The following ANKRD36C variants were observed in gnomAD, a reference collection of about 807,000 sequenced individuals.
The protein encoded by ANKRD36C is ankyrin repeat domain 36C.
Under a neutral mutation model 276.4 loss-of-function variants are expected in ANKRD36C, and 61 were observed. The observed-to-expected ratio is 0.22, with a 90% CI of 0.18 to 0.27. The LOEUF (loss-of-function observed/expected upper bound fraction) is 0.27, where lower values mean the gene tolerates loss of function less well. Ranked by LOEUF, ANKRD36C falls within the 10% of genes least tolerant of loss-of-function variation. ANKRD36C has a pLI of 1.00. For missense variants in ANKRD36C, 1,447 were observed against 2,032.3 expected (o/e 0.71, Z 5.54); for synonymous variants, 483 against 680.1 (o/e 0.71, Z 4.51).
rs540023349 is a variant in ANKRD36C at position 95,929,525 on chromosome 2, T to C, written c.1736-258A>G. Among the ~76,000 whole-genome samples the C allele has an allele frequency of 2.0e-5, 3 of 151,670 alleles. No individual in the cohort carries two copies. The South Asian group carries it at 6.2e-4, about 31-fold the overall frequency. On this transcript the variant is annotated intron_variant, in intron 24 of 66. Coordinates refer to ENST00000456556, the Ensembl canonical transcript of ANKRD36C. Reference sequence around the variant, plus strand: ...TTTCTCCATATGTCTAAAACTAAGATAAAACCATGTCAATATCAATGTGGA... The same window carrying C: ...TTTCTCCATATGTCTAAAACTAAGACAAAACCATGTCAATATCAATGTGGA...
chr2:95,882,643 G>C, intron 54 of ANKRD36C, 146 bp from the exon 75 acceptor site: 1 of 1,167,352 alleles, frequency 8.6e-7, no homozygotes, highest in Non-Finnish European at 1.2e-6. Flanking sequence ...TTTGGGACAG[G>C]AACATGAGGA....
intron 6 of ANKRD36C, among the ~76,000 whole-genome samples, chr2:95,975,674 C>G (rs532797337): frequency 6.6e-6 from 1 of 152,240 alleles, no homozygotes; most frequent in East Asian, 1.9e-4. Context: ...CATAAAAACC[C>G]TAAAAGAAAA....
chr2:95,894,960 A>T (rs1251727816), intron 44 of ANKRD36C, among the ~76,000 whole-genome samples: 1 of 149,778 alleles, frequency 6.7e-6, no homozygotes, highest in South Asian at 2.1e-4. Context: ...CATTCGGAAA[A>T]TAATTGCTAC....
chr2:95,976,293 G>A (rs1447001853), intron 6 of ANKRD36C, among the ~76,000 whole-genome samples: 1 of 152,162 alleles, frequency 6.6e-6, no homozygotes, highest in Non-Finnish European at 1.5e-5. Flanking sequence ...ACACCCAAAG[G>A]ATTATAAATC....
At chr2:95,989,638 T>A (rs1356413478) in intron 1 of ANKRD36C, among the ~76,000 whole-genome samples, 1 of 152,100 alleles carries the variant, frequency 6.6e-6, no homozygotes, top group Non-Finnish European at 1.5e-5. Flanking sequence ...ATTGCATGTA[T>A]CTCTATTTCC....
intron 1 of ANKRD36C, among the ~76,000 whole-genome samples, chr2:95,987,602 A>G (rs1298211163): frequency 1.3e-5 from 2 of 148,246 alleles, no homozygotes; most frequent in African/African-American, 5.0e-5. Flanking sequence ...CTACTTACAA[A>G]GACTTTTTTT....
chr2:95,911,975 C>T (rs542923016), intron 42 of ANKRD36C, among the ~76,000 whole-genome samples: 4 of 151,570 alleles, frequency 2.6e-5, no homozygotes, highest in East Asian at 3.9e-4. Flanking sequence ...TAAAGCAAAA[C>T]TATGCTGTAC....
chr2:95,967,311 T>A (rs948052214), intron 6 of ANKRD36C, among the ~76,000 whole-genome samples: 2 of 152,006 alleles, frequency 1.3e-5, no homozygotes, highest in African/African-American at 2.4e-5. Context: ...AATGATCTCA[T>A]CAAAAAGTGG....
chr2:95,910,702 T>C, intron 42 of ANKRD36C, 134 bp from the exon 45 acceptor site: 2 of 1,503,412 alleles, frequency 1.3e-6, no homozygotes, highest in South Asian at 1.2e-5. Context: ...CTACTTTGTG[T>C]CTGGGGACTA....
At chr2:95,915,959 A>G (rs1274942608) in intron 38 of ANKRD36C, 21 bp downstream of exon 40, 2 of 1,542,486 alleles carry the variant, frequency 1.3e-6, no homozygotes, top group African/African-American at 2.7e-5. Context: ...ACATGACATT[A>G]AATGTGTTTT....
At chr2:95,859,236 G>T (rs1304766819) in intron 61 of ANKRD36C, among the ~76,000 whole-genome samples, 1 of 152,020 alleles carries the variant, frequency 6.6e-6, no homozygotes. Flanking sequence ...ATTTCACTAT[G>T]TTGGGCAGAC....
chr2:95,929,495 A>G (rs1228653705), intron 24 of ANKRD36C, among the ~76,000 whole-genome samples: 1 of 151,528 alleles, frequency 6.6e-6, no homozygotes, highest in Non-Finnish European at 1.5e-5. Flanking sequence ...CAAATGTGAT[A>G]TGACTTTCTC....
At chr2:95,912,553 T>G (rs1676964561) in intron 40 of ANKRD36C, 118 bp from the exon 43 acceptor site, 2 of 1,555,746 alleles carry the variant, frequency 1.3e-6, no homozygotes, top group African/African-American at 2.7e-5. Flanking sequence ...GAGGCTTTGA[T>G]GGCTTCTATT....
chr2:95,857,210 G>A (rs1573719216), intron 62 of ANKRD36C, 99 bp downstream of exon 82: 1 of 1,355,404 alleles, frequency 7.4e-7, no homozygotes, highest in East Asian at 2.7e-5. Flanking sequence ...TAAAATTTGG[G>A]GATTGTTCAG....
chr2:95,948,674 C>T lies in ANKRD36C; in HGVS notation c.1296-78G>A, dbSNP rs1352360571. ...AACAAAAACCGTCAGTCTATACATG[C>T]AGGTCCCCTCCAAAACAAATGGTAA... On this transcript the variant is annotated intron_variant, in intron 16 of 66. Transcript: ENST00000456556. 28 of 1,315,126 alleles carry T rather than the reference C, an allele frequency of 2.1e-5. No homozygotes were observed. The Admixed American group carries it at 5.4e-4, about 25-fold the overall frequency. 81.5% of individuals were successfully genotyped at this position (1,315,126 alleles called of 1,614,324 possible).
At chr2:95,910,995 C>T (rs1676903718) in intron 42 of ANKRD36C, among the ~76,000 whole-genome samples, 1 of 151,452 alleles carries the variant, frequency 6.6e-6, no homozygotes, top group African/African-American at 2.4e-5. Context: ...ATTCATCATG[C>T]TCTTTAACTT....
intron 24 of ANKRD36C, among the ~76,000 whole-genome samples, chr2:95,934,728 C>T (rs1333409983): frequency 6.6e-6 from 1 of 152,312 alleles, no homozygotes; most frequent in Non-Finnish European, 1.5e-5. Flanking sequence ...ATGTTCTTCA[C>T]ATGTATCCCA....
At chr2:95,915,364 ACT>A (rs1356594123) in intron 38 of ANKRD36C, among the ~76,000 whole-genome samples, 1 of 151,564 alleles carries the variant, frequency 6.6e-6, no homozygotes, top group Non-Finnish European at 1.5e-5. Context: ...CAATTCAAGC[ACT>A]GTTTCCTGCT....
chr2:95,985,760 C>A lies in ANKRD36C; in HGVS notation c.486+991G>T, dbSNP rs558923333. Among the ~76,000 whole-genome samples, 6 of 152,272 alleles carry A rather than the reference C, an allele frequency of 3.9e-5. No individual in the cohort carries two copies. The South Asian group carries it at 1.2e-3, about 32-fold the overall frequency. On this transcript the variant is annotated intron_variant, in intron 3 of 66. Transcript: ENST00000456556. ...GGATTTGGCTGAAAAGAGGAAAGAG[C>A]AAAAGATAGAGCCATTCACTGAAAA...
Sources: gnomAD v4.1 joint callset for allele counts (sites outside exome capture counted in the v4.1 genomes callset) on GRCh38, gnomAD v4.1.1 for gene constraint, MANE v1.5 for transcripts, NCBI Gene and HGNC (gene_info 2026-07-23, HGNC 2026-07-21) for gene names.